Variants in PLAGL1 observed in about 807,000 individuals in gnomAD.
The protein encoded by PLAGL1 is zinc finger protein PLAGL1.
A neutral mutation model predicts 4.6 loss-of-function variants in PLAGL1; 1 was observed. The observed-to-expected ratio is 0.22, with a 90% confidence interval of 0.08 to 1.03. The LOEUF (loss-of-function observed/expected upper bound fraction) is 1.03. Ranked by LOEUF, PLAGL1 falls within the 50% of genes least tolerant of loss-of-function variation. The pLI is 0.58. For missense variants in PLAGL1, 464 were observed against 570.4 expected, an observed-to-expected ratio of 0.81 and a Z score of 1.90; for synonymous variants, 240 against 237.8, an observed-to-expected ratio of 1.01 and a Z score of -0.08.
At chr6:143,956,927 C>T (rs75685935) in intron 6 of PLAGL1, among the ~76,000 whole-genome samples, 19,072 of 152,260 alleles carry the variant, frequency 0.13, 1,417 homozygotes, top group Middle Eastern at 0.16. Flanking sequence ...AGGTCTGGGG[C>T]CCCTTCCACC....
chr6:143,991,684 A>G (rs1398234287), intron 1 of PLAGL1, among the ~76,000 whole-genome samples: 1 of 152,204 alleles, frequency 6.6e-6, no homozygotes, highest in African/African-American at 2.4e-5. Flanking sequence ...GTGCCCACCC[A>G]GGCCTACACT....
upstream of PLAGL1, among the ~76,000 whole-genome samples, chr6:144,009,675 C>A (rs899573355): frequency 2.6e-5 from 4 of 152,128 alleles, no homozygotes; most frequent in African/African-American, 7.2e-5. Context: ...ACTAGCCCCC[C>A]ACTCCCCAAC....
intron 1 of PLAGL1, among the ~76,000 whole-genome samples, chr6:144,035,491 C>T (rs1188833273): frequency 6.6e-6 from 1 of 152,196 alleles, no homozygotes; most frequent in African/African-American, 2.4e-5. Flanking sequence ...TTATTCTAGC[C>T]GTGCTGGCAG....
At position 143,948,533 on chromosome 6, in the gene PLAGL1, A is replaced by C; in HGVS notation, c.-324-73T>G. ...AATGCTTTTCCTCCCTGACCGCTTC[A>C]GAATCAACTACCCACAATCAACACG... On this transcript the variant is annotated intron_variant, in intron 6 of 7. Transcript: ENST00000674357. The surrounding 1 kb of genome is among the most constrained non-coding windows in gnomAD (Gnocchi z 6.0). 5.5e-6 allele frequency: 1 copy of C among 183,000 alleles called. No homozygotes were observed. The highest frequency in any genetic ancestry group is 1.2e-4 in the South Asian group (1 of 8,218). The allele number at this position is 183,000 out of a possible 1,614,324, so 11.3% of individuals were successfully genotyped here.
intron 1 of PLAGL1, among the ~76,000 whole-genome samples, chr6:143,992,520 A>G (rs1387421467): frequency 6.6e-6 from 1 of 152,250 alleles, no homozygotes; most frequent in Non-Finnish European, 1.5e-5. Context: ...CCTAAAATAT[A>G]TGACCTTGGT....
In PLAGL1 at chr6:143,955,123, AT is replaced by A. The variant is rs1781848785; in HGVS notation, c.-325+5345del. Among the ~76,000 whole-genome samples, 1 of 152,230 alleles carries A rather than the reference AT, an allele frequency of 6.6e-6. No individual in the cohort carries two copies. The highest frequency in any genetic ancestry group is 6.5e-5 in the Admixed American group (1 of 15,284). On this transcript the variant is annotated intron_variant, in intron 6 of 7. Transcript: ENST00000674357. The surrounding 1 kb of genome is among the most constrained non-coding windows in gnomAD (Gnocchi z 4.9). ...AAACAGATAAATAGAAGTGAAAATCATTACTAAAACTTGAGGTGGTGGTTGT... is the reference window on the plus strand; with the variant it reads ...AAACAGATAAATAGAAGTGAAAATCATACTAAAACTTGAGGTGGTGGTTGT...
chr6:144,035,419 C>A (rs1439223623), intron 1 of PLAGL1, among the ~76,000 whole-genome samples: 1 of 152,178 alleles, frequency 6.6e-6, no homozygotes, highest in Non-Finnish European at 1.5e-5. Context: ...GCATCTAGCA[C>A]GGGAGAAAGA....
chr6:144,012,088 C>T (rs1386930397), upstream of PLAGL1, among the ~76,000 whole-genome samples: 4 of 152,310 alleles, frequency 2.6e-5, no homozygotes, highest in South Asian at 6.2e-4. The surrounding 1 kb of genome is among the most constrained non-coding windows in gnomAD (Gnocchi z 4.8). Flanking sequence ...AGCACGCCTC[C>T]ATAGAATCTT....
rs1301002171 is a variant in PLAGL1 at position 143,948,017 on chromosome 6, G to C, written c.120C>G (p.Gly40=). 7.4e-6 allele frequency: 12 copies of C among 1,613,980 alleles called. No individual in the cohort carries two copies. The highest frequency in any genetic ancestry group is 2.7e-5 in the African/African-American group (2 of 74,932). The part of the protein sequence containing the change: ...RPYKCVQPDC[G]KAFVSRYKLM... Reference sequence around the variant, plus strand: ...ATTTATATCTGGAAACAAAGGCTTTGCCACAGTCAGGCTGCACACACTTGT... The same window carrying C: ...ATTTATATCTGGAAACAAAGGCTTTCCCACAGTCAGGCTGCACACACTTGT... Residue 40 remains glycine (G), a synonymous_variant, in exon 7 of 8, where the codon GGC becomes GGG. Coordinates refer to ENST00000674357, the MANE Select transcript of PLAGL1 (RefSeq NM_001317162.2). The surrounding 1 kb of genome is among the most constrained non-coding windows in gnomAD (Gnocchi z 6.0).
At position 143,941,865 on chromosome 6, in the gene PLAGL1, G is replaced by A; in HGVS notation, c.951C>T (p.Pro317=). 6.2e-7 allele frequency: 1 copy of A among 1,614,132 alleles called. No individual in the cohort carries two copies. Among genetic ancestry groups the A allele is most frequent in the Non-Finnish European group, 8.5e-7 (1 of 1,180,012 alleles). The change falls in exon 8 of 8, where the codon CCC becomes CCT. Residue 317 remains proline (P), a synonymous_variant. Transcript: ENST00000674357. The surrounding 1 kb of genome is among the most constrained non-coding windows in gnomAD (Gnocchi z 6.0). The stretch of plus-strand genomic sequence containing the variant: ...AAAAACCTTTAGTATCTGCTTTGAG[G>A]GGCAGGCTTGCAAGTGGGGAGTATG... ...STSYSPLASL[P]LKADTKGFCN... is the part of the protein sequence containing the mutation.
At chr6:144,008,551 T>G (rs978701041), upstream of PLAGL1, 1 of 152,100 alleles carries the variant, frequency 6.6e-6, no homozygotes, top group Non-Finnish European at 1.5e-5. The surrounding 1 kb of genome is among the most constrained non-coding windows in gnomAD (Gnocchi z 6.9). Flanking sequence ...GCGGGCCGGG[T>G]CACCGGTGGG....
rs555785713 is a variant in PLAGL1 at position 143,949,145 on chromosome 6, C to CT, written c.-324-686dup. 3.8e-4 allele frequency among the ~76,000 whole-genome samples: 58 copies of CT among 152,274 alleles called. No homozygotes were observed. The East Asian group carries it at 0.01, about 27-fold the overall frequency. On this transcript the variant is annotated intron_variant, in intron 6 of 7. Transcript: ENST00000674357. The surrounding 1 kb of genome is among the most constrained non-coding windows in gnomAD (Gnocchi z 5.3). The stretch of plus-strand genomic sequence containing the variant: ...TCTAGTAAGTTCTACTAATCTCTTC[C>CT]TTTTTTGTTTATGGACCTTTCTTCA...
rs1782029647 is a variant in PLAGL1, at chr6:143,955,941, A to C, written c.-325+4528T>G. ...GTGGCAGAGAGAGGTTTTCTTCTGCATCCCAGAAGAAAAACTCAGCAAAAA... is the reference window on the plus strand; with the variant it reads ...GTGGCAGAGAGAGGTTTTCTTCTGCCTCCCAGAAGAAAAACTCAGCAAAAA... On this transcript the variant is annotated intron_variant, in intron 6 of 7. Transcript: ENST00000674357. The surrounding 1 kb of genome is among the most constrained non-coding windows in gnomAD (Gnocchi z 4.9). Among the ~76,000 whole-genome samples the C allele has an allele frequency of 6.6e-6, 1 of 152,196 alleles. No homozygotes were observed. The highest frequency in any genetic ancestry group is 2.4e-5 in the African/African-American group (1 of 41,428).
chr6:144,048,233 G>T lies in PLAGL1; in HGVS notation c.-151+16235C>A, dbSNP rs994307910. On this transcript the variant is annotated intron_variant, in intron 1 of 3. Transcript: ENST00000437412. The surrounding 1 kb of genome is among the most constrained non-coding windows in gnomAD (Gnocchi z 4.8). ...TTGGCTGCTTTCATGGGCTGGCATT[G>T]AGTGTTGGTGGCTTTTCCAGGTGCA... 5.9e-5 allele frequency among the ~76,000 whole-genome samples: 9 copies of T among 152,206 alleles called. No individual in the cohort carries two copies. The highest frequency in any genetic ancestry group is 1.3e-4 in the Non-Finnish European group (9 of 68,034).
intron 1 of PLAGL1, among the ~76,000 whole-genome samples, chr6:143,993,783 A>T (rs984555925): frequency 6.6e-5 from 10 of 152,312 alleles, no homozygotes; most frequent in African/African-American, 2.4e-4. Context: ...AATGTAGCAA[A>T]TCTGAAAACC....
intron 2 of PLAGL1, among the ~76,000 whole-genome samples, chr6:143,977,104 G>T: frequency 8.0e-6 from 1 of 124,850 alleles, no homozygotes; most frequent in Non-Finnish European, 1.7e-5. Flanking sequence ...AACACACTTA[G>T]CCTTCTCCAT....
intron 1 of PLAGL1, among the ~76,000 whole-genome samples, chr6:144,044,964 A>G (rs1798016898): frequency 7.5e-6 from 1 of 133,542 alleles, no homozygotes. Flanking sequence ...GTTGGTTTAA[A>G]GTCTGTTTTA....
intron 1 of PLAGL1, among the ~76,000 whole-genome samples, chr6:144,040,709 C>T (rs1797663033): frequency 6.6e-6 from 1 of 151,752 alleles, no homozygotes; most frequent in African/African-American, 2.4e-5. Context: ...AAACCTGTCT[C>T]CACTAAAAAT....
chr6:143,940,643 G>T lies in PLAGL1; in HGVS notation c.*781C>A, dbSNP rs539575179. On this transcript the variant is annotated 3_prime_UTR_variant, in exon 8 of 8. Transcript: ENST00000674357. ...TCCAGTAATATTTTCTTAAATTCCT[G>T]TTAAAAATATAATCAATATTAAAGT... The T allele has an allele frequency of 6.6e-6, 1 of 151,554 alleles. No individual in the cohort carries two copies. Among genetic ancestry groups the T allele is most frequent in the African/African-American group, 2.4e-5 (1 of 41,144 alleles). The allele number at this position is 151,554 out of a possible 1,614,324, so 9.4% of individuals were successfully genotyped here. A position where few individuals can be genotyped will look rare whatever the true frequency, so the allele number is the denominator to read the frequency against.
Sources: allele counts gnomAD v4.1 joint callset (sites outside exome capture counted in the v4.1 genomes callset), GRCh38; gene constraint gnomAD v4.1.1; non-coding constraint Gnocchi (gnomAD v3.1); transcripts MANE v1.5; gene names NCBI Gene and HGNC (gene_info 2026-07-23, HGNC 2026-07-21).